The following GRID2 variants were observed in gnomAD, a reference collection of about 807,000 sequenced individuals.
The protein encoded by GRID2 is glutamate receptor ionotropic, delta-2.
In GRID2, 33 loss-of-function variants were observed where a neutral mutation model predicts 114.8. The observed-to-expected ratio is 0.29, with a 90% CI of 0.22 to 0.38. GRID2 has a LOEUF of 0.38. Among genes scored for constraint, GRID2 ranks in the 10% least tolerant of loss-of-function variants. The probability of loss-of-function intolerance (pLI) is 1.00; values close to 1 mark genes in which losing one functional copy is unlikely to be tolerated. For missense variants in GRID2, 1,184 were observed against 1,257.7 expected, an observed-to-expected ratio of 0.94 and a Z score of 0.89; for synonymous variants, 505 against 449.9, an observed-to-expected ratio of 1.12 and a Z score of -1.55.
At chr4:92,844,705 C>CAAAAAA (rs35173293) in intron 2 of GRID2, among the ~76,000 whole-genome samples, 1 of 92,952 alleles carries the variant, frequency 1.1e-5, no homozygotes, top group Non-Finnish European at 2.1e-5. Context: ...GACTCTGTCT[C>CAAAAAA]AAAAAAAAAA....
intron 2 of GRID2, among the ~76,000 whole-genome samples, chr4:92,750,575 C>T (rs1223706914): frequency 6.6e-6 from 1 of 152,152 alleles, no homozygotes; most frequent in African/African-American, 2.4e-5. Context: ...ATTCCAGACC[C>T]TGGCTGTTGA....
At chr4:92,604,288 C>G (rs1729354642) in intron 2 of GRID2, among the ~76,000 whole-genome samples, 1 of 152,130 alleles carries the variant, frequency 6.6e-6, no homozygotes, top group African/African-American at 2.4e-5. Context: ...AGAATCAATC[C>G]AAATGACCGT....
intron 1 of GRID2, among the ~76,000 whole-genome samples, chr4:92,310,588 G>T (rs1295206718): frequency 6.6e-6 from 1 of 151,920 alleles, no homozygotes; most frequent in African/African-American, 2.4e-5. Flanking sequence ...AAACATATGG[G>T]CAATGTTAAG....
chr4:92,626,503 C>T lies in GRID2; in HGVS notation c.244+36217C>T, dbSNP rs373349409. ...GGGAAGTGGGGAGTATGAAATTTGT[C>T]TCAGCCTTGACTTTAGATGGAGTGT... On this transcript the variant is annotated intron_variant, in intron 2 of 15. Coordinates refer to ENST00000282020, the MANE Select transcript of GRID2 (RefSeq NM_001510.4). 2.6e-5 allele frequency among the ~76,000 whole-genome samples: 4 copies of T among 151,908 alleles called. No homozygotes were observed. The East Asian group carries it at 7.7e-4, about 29-fold the overall frequency.
Position 93,066,690 on chromosome 4 carries a change from G to A in GRID2, c.245-18305G>A, listed in dbSNP as rs116860088. Among the ~76,000 whole-genome samples, 1,213 of 151,654 alleles carry A rather than the reference G, an allele frequency of 8.0e-3. 52 individuals are homozygous for A. The highest frequency in any genetic ancestry group is 0.062 in the Admixed American group (948 of 15,168). On this transcript the variant is annotated intron_variant, in intron 2 of 15. Coordinates refer to ENST00000282020, the MANE Select transcript of GRID2 (RefSeq NM_001510.4). ...ATACTTTTTCTTATCATAGATCTTA[G>A]CAACCTAAGCATATGATTTTTTTTC...
At chr4:93,456,003 T>TA (rs764241901) in intron 11 of GRID2, 29 bp downstream of exon 11, 119 of 1,285,548 alleles carry the variant, frequency 9.3e-5, no homozygotes, top group African/African-American at 8.8e-4. Context: ...TTCTAGTATT[T>TA]AAAAAAAATA....
intron 1 of GRID2, among the ~76,000 whole-genome samples, chr4:92,309,613 A>G (rs774149312): frequency 2.8e-4 from 42 of 151,896 alleles, no homozygotes; most frequent in Admixed American, 4.6e-4. Flanking sequence ...ATGCTGTAAG[A>G]AAATAGGTAG....
chr4:93,796,629 C>T (rs1734808205), intron 1 of GRID2, among the ~76,000 whole-genome samples: 1 of 152,170 alleles, frequency 6.6e-6, no homozygotes, highest in South Asian at 2.1e-4. Flanking sequence ...CTGCAACCTC[C>T]ACCTCCCGAG....
intron 2 of GRID2, among the ~76,000 whole-genome samples, chr4:93,037,279 A>G (rs1023167988): frequency 6.6e-6 from 1 of 152,204 alleles, no homozygotes; most frequent in East Asian, 1.9e-4. Flanking sequence ...GAGAAAGAAC[A>G]AAATAAGTAT....
intron 2 of GRID2, among the ~76,000 whole-genome samples, chr4:92,708,643 T>G (rs944824395): frequency 1.3e-5 from 2 of 152,230 alleles, no homozygotes; most frequent in African/African-American, 4.8e-5. Context: ...TTTTATTTAG[T>G]AATAAAATTT....
intron 14 of GRID2, among the ~76,000 whole-genome samples, chr4:93,700,543 T>C (rs1727421496): frequency 6.6e-6 from 1 of 152,154 alleles, no homozygotes; most frequent in Admixed American, 6.6e-5. Flanking sequence ...ATATTAACAA[T>C]GTCTTTACAA....
intron 10 of GRID2, among the ~76,000 whole-genome samples, chr4:93,425,032 T>G (rs1249915800): frequency 1.3e-5 from 2 of 152,192 alleles, no homozygotes; most frequent in Non-Finnish European, 2.9e-5. Context: ...TTTACTTTTC[T>G]GCTGAGATTT....
At chr4:92,806,165 C>CCA (rs1560603012) in intron 2 of GRID2, among the ~76,000 whole-genome samples, 1 of 106,116 alleles carries the variant, frequency 9.4e-6, no homozygotes, top group African/African-American at 4.3e-5. Flanking sequence ...AATAGGCTAT[C>CCA]GACACACACA....
At position 92,904,356 on chromosome 4, in the gene GRID2, T is replaced by C. The variant is rs1015453592; in HGVS notation, c.245-180639T>C. On this transcript the variant is annotated intron_variant, in intron 2 of 15. Transcript: ENST00000282020. ...TAAATAATAAAATAAATAAAATATA[T>C]TTATTTTCAATAAATGTAAATATTA... is the stretch of plus-strand genomic sequence containing the variant. 1.9e-4 allele frequency among the ~76,000 whole-genome samples: 29 copies of C among 150,588 alleles called. No individual in the cohort carries two copies. In the South Asian group the frequency reaches 2.3e-3, roughly 12 times the overall value.
At chr4:93,708,939 C>T (rs1166161974) in intron 14 of GRID2, among the ~76,000 whole-genome samples, 1 of 151,978 alleles carries the variant, frequency 6.6e-6, no homozygotes, top group East Asian at 1.9e-4. Flanking sequence ...CTGATGATAA[C>T]ACTGATTGCA....
intron 2 of GRID2, among the ~76,000 whole-genome samples, chr4:92,642,292 C>A (rs1731393356): frequency 6.6e-6 from 1 of 151,770 alleles, no homozygotes; most frequent in Non-Finnish European, 1.5e-5. Context: ...TTTCTCCACA[C>A]CCTCATCAAC....
chr4:93,402,067 C>T (rs763901173), intron 9 of GRID2, among the ~76,000 whole-genome samples: 53 of 151,934 alleles, frequency 3.5e-4, no homozygotes, highest in South Asian at 6.2e-4. Context: ...TTAATTTCCT[C>T]TTAATATACC....
chr4:93,533,245 T>TTCCTTCCTTCCTTCCTTCCTTCCTTC (rs1731637414), intron 13 of GRID2, among the ~76,000 whole-genome samples: 1 of 105,718 alleles, frequency 9.5e-6, no homozygotes, highest in Non-Finnish European at 1.9e-5. Flanking sequence ...TTTCTTTCTC[T>TTCCTTCCTTCCTTCCTTCCTTCCTTC]CTTCCTTCCT....
chr4:92,782,928 G>A (rs1460506407), intron 2 of GRID2, among the ~76,000 whole-genome samples: 2 of 151,986 alleles, frequency 1.3e-5, no homozygotes, highest in Non-Finnish European at 2.9e-5. Flanking sequence ...AACAGAAAAT[G>A]ATACCTGTTT....
Sources: allele counts gnomAD v4.1 joint callset (sites outside exome capture counted in the v4.1 genomes callset), GRCh38; gene constraint gnomAD v4.1.1; transcripts MANE v1.5; gene names NCBI Gene and HGNC (gene_info 2026-07-23, HGNC 2026-07-21).